CNTN4: variants seen among roughly 807,000 people sequenced by gnomAD.
The protein encoded by CNTN4 is contactin 4.
In CNTN4, 77 loss-of-function variants were observed where a neutral mutation model predicts 122.5. The ratio of observed to expected loss-of-function variants is 0.63; its 90% CI spans 0.52 to 0.76. The LOEUF is 0.76. CNTN4 is among the 30% of genes least tolerant of loss of function. The pLI, the probability that CNTN4 is intolerant of heterozygous loss-of-function variation, is 0.00. For synonymous variants in CNTN4, 512 were observed against 447.0 expected, an observed-to-expected ratio of 1.15 and a Z score of -1.83; for missense variants, 1,256 against 1,259.1, an observed-to-expected ratio of 1.00 and a Z score of 0.04.
At chr3:3,001,819 C>A (rs546553303) in intron 14 of CNTN4, among the ~76,000 whole-genome samples, 1 of 152,232 alleles carries the variant, frequency 6.6e-6, no homozygotes, top group East Asian at 1.9e-4. Context: ...TGTTTCAAAT[C>A]TTTCTATTTA....
At chr3:2,396,259 G>A (rs190335023) in intron 3 of CNTN4, among the ~76,000 whole-genome samples, 3 of 152,016 alleles carry the variant, frequency 2.0e-5, no homozygotes, top group Non-Finnish European at 2.9e-5. Context: ...TCCTGGGCTC[G>A]AGCCATCTGC....
chr3:2,673,833 C>T (rs773805249), intron 4 of CNTN4, among the ~76,000 whole-genome samples: 2 of 152,108 alleles, frequency 1.3e-5, no homozygotes, highest in African/African-American at 2.4e-5. Context: ...CGAGTCGCTG[C>T]GCCCGGCCGG....
rs143018057 is a variant in CNTN4, at chr3:2,764,388, T to C, written c.358+18691T>C. ...TAAGGATTAAAAAGGAAATGTTTTCTAGACAGAAAATACAGAATGTACAAA... is the reference window on the plus strand; with the variant it reads ...TAAGGATTAAAAAGGAAATGTTTTCCAGACAGAAAATACAGAATGTACAAA... On this transcript the variant is annotated intron_variant, in intron 6 of 24. Coordinates refer to ENST00000418658, the MANE Select transcript of CNTN4 (RefSeq NM_175607.3). Among the ~76,000 whole-genome samples, 500 of 152,316 alleles carry C rather than the reference T, an allele frequency of 3.3e-3. 2 individuals are homozygous for C. Among genetic ancestry groups the C allele is most frequent in the African/African-American group, 0.012 (484 of 41,570 alleles).
intron 15 of CNTN4, 34 bp downstream of exon 15, chr3:3,026,311 A>G: frequency 6.5e-7 from 1 of 1,544,164 alleles, no homozygotes; most frequent in Non-Finnish European, 9.0e-7. Context: ...ACTCAAACTA[A>G]CTTGTTTAGA....
intron 3 of CNTN4, among the ~76,000 whole-genome samples, chr3:2,437,418 C>T (rs926973820): frequency 3.3e-5 from 5 of 152,038 alleles, no homozygotes; most frequent in African/African-American, 9.7e-5. Context: ...ATTTTTACTG[C>T]CGTAAATGTG....
rs72401999 is a variant in CNTN4 at position 2,234,370 on chromosome 3, CAAAAAAA to C, written c.-144-104793_-144-104787del. On this transcript the variant is annotated intron_variant, in intron 2 of 24. Transcript: ENST00000418658. ...TCCAGCCGGGGCAACAAGTCCATCT[CAAAAAAA>C]AAAAAAAAAAAAAAGAGGAAGTTTT... 3.7e-3 allele frequency among the ~76,000 whole-genome samples: 353 copies of C among 94,740 alleles called. 3 individuals carry two copies. Among genetic ancestry groups the C allele is most frequent in the African/African-American group, 0.012 (330 of 26,590 alleles). 62.2% of individuals were successfully genotyped at this position (94,740 alleles called of 152,430 possible).
intron 13 of CNTN4, among the ~76,000 whole-genome samples, chr3:2,954,704 A>G (rs888565510): frequency 6.6e-5 from 10 of 152,182 alleles, no homozygotes; most frequent in African/African-American, 1.9e-4. Flanking sequence ...TAATCTTGCA[A>G]TGCAATAACC....
chr3:2,152,144 G>A (rs942422432), intron 2 of CNTN4, among the ~76,000 whole-genome samples: 9 of 152,114 alleles, frequency 5.9e-5, no homozygotes, highest in Non-Finnish European at 1.3e-4. Flanking sequence ...AGGAGACGGG[G>A]CAAGTTTGTC....
In CNTN4 at chr3:2,945,318, G is replaced by A. The variant is rs531514733; in HGVS notation, c.1358+19539G>A. 3.9e-5 allele frequency among the ~76,000 whole-genome samples: 6 copies of A among 152,270 alleles called. No homozygotes were observed. In the South Asian group the frequency reaches 8.3e-4, roughly 21 times the overall value. ...GGAATCTGTCTGAATTTCTCATCAT[G>A]TTCAAAGCATAAGTTGTAATTGATT... is the stretch of plus-strand genomic sequence containing the variant. On this transcript the variant is annotated intron_variant, in intron 13 of 24. Coordinates refer to ENST00000418658, the MANE Select transcript of CNTN4 (RefSeq NM_175607.3).
intron 7 of CNTN4, among the ~76,000 whole-genome samples, chr3:2,837,190 C>G (rs543923173): frequency 3.2e-4 from 49 of 152,302 alleles, no homozygotes; most frequent in African/African-American, 1.1e-3. Context: ...TTAATTACCT[C>G]TTTTTCCAAA....
Position 2,916,812 on chromosome 3 carries a change from C to T in CNTN4, c.1208-8817C>T, listed in dbSNP as rs370119658. Among the ~76,000 whole-genome samples the T allele has an allele frequency of 4.2e-4, 64 of 150,662 alleles. No homozygotes were observed. In the South Asian group the frequency reaches 7.6e-3, roughly 18 times the overall value. ...GGGCCCCCCACCTCCCAGACGGGGCCGCCGGGTGGAGACGCTCCTCAGTTC... is the reference window on the plus strand; with the variant it reads ...GGGCCCCCCACCTCCCAGACGGGGCTGCCGGGTGGAGACGCTCCTCAGTTC... On this transcript the variant is annotated intron_variant, in intron 12 of 24. Coordinates refer to ENST00000418658, the MANE Select transcript of CNTN4 (RefSeq NM_175607.3).
At chr3:2,588,843 C>G (rs1462874376) in intron 4 of CNTN4, among the ~76,000 whole-genome samples, 1 of 145,718 alleles carries the variant, frequency 6.9e-6, no homozygotes, top group Non-Finnish European at 1.5e-5. Flanking sequence ...ATAATATATT[C>G]TGGCAACAGT....
rs71058653 is a variant in CNTN4 at position 2,834,898 on chromosome 3, C to CTTTTTTTTTTTTTTTTTTTTTT, written c.454+15320_454+15341dup. Among the ~76,000 whole-genome samples the CTTTTTTTTTTTTTTTTTTTTTT allele has an allele frequency of 1.5e-3, 91 of 60,458 alleles. 12 individuals are homozygous for CTTTTTTTTTTTTTTTTTTTTTT. The highest frequency in any genetic ancestry group is 3.0e-3 in the East Asian group (5 of 1,642). 39.7% of individuals were successfully genotyped at this position (60,458 alleles called of 152,430 possible). On this transcript the variant is annotated intron_variant, in intron 7 of 24. Transcript: ENST00000418658. ...AAGCATTAAATTAGATAAAGGCAACCTTTTTTTTTTTTTTTTTTTTTTTTG... is the reference window on the plus strand; with the variant it reads ...AAGCATTAAATTAGATAAAGGCAACCTTTTTTTTTTTTTTTTTTTTTTTTTTTTTTTTTTTTTTTTTTTTTTG...
intron 2 of CNTN4, among the ~76,000 whole-genome samples, chr3:2,143,829 G>A (rs1214055756): frequency 6.6e-6 from 1 of 152,164 alleles, no homozygotes. Flanking sequence ...ACATTGCCAT[G>A]AGCCATTAAA....
At chr3:3,003,684 C>CAAAAAAAAAAAAAA (rs58290160) in intron 14 of CNTN4, among the ~76,000 whole-genome samples, 1 of 76,966 alleles carries the variant, frequency 1.3e-5, no homozygotes. Flanking sequence ...ATGGTTGCAC[C>CAAAAAAAAAAAAAA]AAAAAAAAAA....
rs71058631 is a variant in CNTN4 at position 2,617,419 on chromosome 3, CTTTTT to C, written c.55+45876_55+45880del. Reference sequence around the variant, plus strand: ...ACATCACTGATCTTTAGAGAAATGCCTTTTTTTTTTTTTTTTTTTGAGACAGAGTC... The same window carrying C: ...ACATCACTGATCTTTAGAGAAATGCCTTTTTTTTTTTTTTGAGACAGAGTC... On this transcript the variant is annotated intron_variant, in intron 4 of 24. Transcript: ENST00000418658. 4.8e-4 allele frequency among the ~76,000 whole-genome samples: 52 copies of C among 108,516 alleles called. 1 individual carries two copies. The highest frequency in any genetic ancestry group is 1.8e-3 in the African/African-American group (51 of 27,580). The allele number at this position is 108,516 out of a possible 152,430, so 71.2% of individuals were successfully genotyped here.
intron 2 of CNTN4, among the ~76,000 whole-genome samples, chr3:2,138,119 T>C (rs2034799846): frequency 6.6e-6 from 1 of 151,256 alleles, no homozygotes; most frequent in South Asian, 2.1e-4. Context: ...CAGGCTGAAG[T>C]GCAGTGGCAC....
rs140913068 is a variant in CNTN4 at position 2,355,693 on chromosome 3, G to C, written c.-89+16460G>C. Among the ~76,000 whole-genome samples the C allele has an allele frequency of 3.2e-3, 488 of 152,174 alleles. 12 individuals carry two copies. The highest frequency in any genetic ancestry group is 0.027 in the East Asian group (140 of 5,170). On this transcript the variant is annotated intron_variant, in intron 3 of 24. Transcript: ENST00000418658. Reference sequence around the variant, plus strand: ...TATTCAGTCGATACTGGCCATCCTAGCTCTAGACTAACATGACCCACTGGA... The same window carrying C: ...TATTCAGTCGATACTGGCCATCCTACCTCTAGACTAACATGACCCACTGGA...
chr3:2,406,170 T>A (rs559305504), intron 3 of CNTN4, among the ~76,000 whole-genome samples: 1 of 152,304 alleles, frequency 6.6e-6, no homozygotes, highest in African/African-American at 2.4e-5. Flanking sequence ...TCCCAAAATT[T>A]ATTAATTATA....
Sources: gnomAD v4.1 joint callset for allele counts (sites outside exome capture counted in the v4.1 genomes callset) on GRCh38, gnomAD v4.1.1 for gene constraint, MANE v1.5 for transcripts, NCBI Gene and HGNC (gene_info 2026-07-23, HGNC 2026-07-21) for gene names.